The following SESN1 variants were observed in gnomAD, a reference collection of about 807,000 sequenced individuals.
SESN1 encodes sestrin-1.
In SESN1, 30 loss-of-function variants were observed where a neutral mutation model predicts 59.3. The observed-to-expected ratio is 0.51, with a 90% confidence interval of 0.38 to 0.69. The LOEUF (loss-of-function observed/expected upper bound fraction) is 0.69, where lower values mean the gene tolerates loss of function less well. Ranked by LOEUF, SESN1 falls within the 30% of genes least tolerant of loss-of-function variation. SESN1 has a pLI of 0.00. For synonymous variants in SESN1, 197 were observed against 219.9 expected (o/e 0.90, Z 0.92); for missense variants, 566 against 673.0 (o/e 0.84, Z 1.76).
intron 1 of SESN1, among the ~76,000 whole-genome samples, chr6:109,091,984 G>C (rs565988074): frequency 2.0e-5 from 3 of 152,298 alleles, no homozygotes; most frequent in East Asian, 1.9e-4. Context: ...CTTCCTATGG[G>C]AGACAGACAC....
chr6:109,034,637 G>A (rs1268911796), intron 1 of SESN1, among the ~76,000 whole-genome samples: 2 of 152,222 alleles, frequency 1.3e-5, no homozygotes, highest in East Asian at 1.9e-4. Context: ...AGCTGGGTGT[G>A]ACCAAGTTAC....
chr6:109,004,928 T>C (rs1326461967), intron 1 of SESN1, among the ~76,000 whole-genome samples: 3 of 152,144 alleles, frequency 2.0e-5, no homozygotes, highest in African/African-American at 7.2e-5. Context: ...CATTAATTGT[T>C]TATATATTGC....
chr6:109,063,632 C>A (rs1474766349), intron 1 of SESN1, among the ~76,000 whole-genome samples: 1 of 152,108 alleles, frequency 6.6e-6, no homozygotes, highest in Non-Finnish European at 1.5e-5. Flanking sequence ...GCTGTTTCCC[C>A]TTTGCATTTT....
chr6:109,012,248 T>C (rs1241768037), intron 1 of SESN1, among the ~76,000 whole-genome samples: 1 of 151,464 alleles, frequency 6.6e-6, no homozygotes. Flanking sequence ...ATATTTCTTT[T>C]TTTTTTTTTT....
At chr6:109,085,215 A>G (rs2114479114) in intron 1 of SESN1, among the ~76,000 whole-genome samples, 1 of 152,110 alleles carries the variant, frequency 6.6e-6, no homozygotes, top group South Asian at 2.1e-4. Context: ...TAGTGTGTCA[A>G]TGCCCCTAGA....
At chr6:108,993,196 T>C (rs1779426497) in intron 6 of SESN1, among the ~76,000 whole-genome samples, 1 of 152,204 alleles carries the variant, frequency 6.6e-6, no homozygotes, top group Non-Finnish European at 1.5e-5. Flanking sequence ...GTTCGACTTA[T>C]TCAAAGTATG....
At chr6:109,070,624 C>CT (rs36083550) in intron 1 of SESN1, among the ~76,000 whole-genome samples, 1 of 152,190 alleles carries the variant, frequency 6.6e-6, no homozygotes, top group Admixed American at 6.5e-5. Flanking sequence ...CCAATGGCTA[C>CT]TTTTTCCAAA....
intron 1 of SESN1, among the ~76,000 whole-genome samples, chr6:109,032,118 A>G (rs1780188773): frequency 6.6e-6 from 1 of 152,144 alleles, no homozygotes; most frequent in African/African-American, 2.4e-5. Flanking sequence ...AAAAATACAA[A>G]AAAATTAGCC....
At position 108,986,186 on chromosome 6, in the gene SESN1, T is replaced by C. The variant is rs745559007; in HGVS notation, c.*1358A>G. On this transcript the variant is annotated 3_prime_UTR_variant, in exon 10 of 10. Transcript: ENST00000436639. ...AATGAATCCTTCTTTTTAGTAATTC[T>C]TAAAATTCTATTGGAACTCTAAAAC... Among the ~76,000 whole-genome samples the C allele has an allele frequency of 3.9e-5, 6 of 152,238 alleles. No homozygotes were observed. Among genetic ancestry groups the C allele is most frequent in the Admixed American group, 2.0e-4 (3 of 15,286 alleles).
intron 1 of SESN1, 117 bp from the exon 2 acceptor site, chr6:109,002,460 T>G (rs1000540054): frequency 1.3e-6 from 1 of 753,136 alleles, no homozygotes; most frequent in South Asian, 1.5e-5. Flanking sequence ...TTTGATGGTT[T>G]GTTTTCATGG....
At chr6:109,001,650 G>A (rs944137712) in intron 2 of SESN1, among the ~76,000 whole-genome samples, 162 bp from the exon 3 acceptor site, 1 of 152,106 alleles carries the variant, frequency 6.6e-6, no homozygotes, top group Non-Finnish European at 1.5e-5. Context: ...AGATACAGAA[G>A]AATAAACAGT....
At chr6:108,988,303 G>A (rs1779257885) in intron 9 of SESN1, 1 of 365,062 alleles carries the variant, frequency 2.7e-6, no homozygotes, top group African/African-American at 2.1e-5. Flanking sequence ...TCTATGTGCT[G>A]ACAGCCATGC....
At chr6:108,995,044 T>C (rs1219196238) in intron 5 of SESN1, among the ~76,000 whole-genome samples, 1 of 152,192 alleles carries the variant, frequency 6.6e-6, no homozygotes, top group African/African-American at 2.4e-5. Flanking sequence ...AATATTCCTA[T>C]AATTTTAATG....
intron 1 of SESN1, among the ~76,000 whole-genome samples, chr6:109,065,725 G>C (rs1204028025): frequency 6.6e-6 from 1 of 151,856 alleles, no homozygotes; most frequent in African/African-American, 2.4e-5. Flanking sequence ...ATATGTGATT[G>C]TAATATTCTT....
At chr6:109,067,197 C>T (rs1414411336) in intron 1 of SESN1, among the ~76,000 whole-genome samples, 3 of 152,174 alleles carry the variant, frequency 2.0e-5, no homozygotes, top group Non-Finnish European at 4.4e-5. Context: ...CCTCCTCACT[C>T]ACAACTTCCC....
rs1442013275 is a variant in SESN1 at position 109,001,176 on chromosome 6, CATATT to C, written c.546+107_546+111del. The C allele has an allele frequency of 2.6e-5, 23 of 882,220 alleles. No individual in the cohort carries two copies. In the African/African-American group the frequency reaches 3.6e-4, roughly 14 times the overall value. The allele number at this position is 882,220 out of a possible 1,614,324, so 54.6% of individuals were successfully genotyped here. A position where few individuals can be genotyped will look rare whatever the true frequency, so the allele number is the denominator to read the frequency against. On this transcript the variant is annotated intron_variant, in intron 3 of 9. Coordinates refer to ENST00000436639, the MANE Select transcript of SESN1 (RefSeq NM_014454.3). ...AAAACAGAGACTGTGCAACAGGAAT[CATATT>C]ATATATCATAATCTAAGTATTTATC...
In SESN1 at chr6:109,039,481, T is replaced by C. The variant is rs540393389; in HGVS notation, c.280-37138A>G. Among the ~76,000 whole-genome samples, 178 of 152,314 alleles carry C rather than the reference T, an allele frequency of 1.2e-3. 1 individual carries two copies. Among genetic ancestry groups the C allele is most frequent in the Non-Finnish European group, 2.4e-4 (16 of 68,024 alleles). On this transcript the variant is annotated intron_variant, in intron 1 of 9. Coordinates refer to ENST00000436639, the MANE Select transcript of SESN1 (RefSeq NM_014454.3). The stretch of plus-strand genomic sequence containing the variant: ...AAGATGAGGTCCAATTTAAGACAAC[T>C]TGGAGGCAAGAACATCAAATCTGCA...
intron 1 of SESN1, among the ~76,000 whole-genome samples, chr6:109,027,084 C>T (rs963298736): frequency 6.6e-6 from 1 of 152,082 alleles, no homozygotes; most frequent in African/African-American, 2.4e-5. Flanking sequence ...GCACGAGAAT[C>T]GCTTGAATCT....
chr6:109,089,025 G>A (rs1781264743), intron 1 of SESN1, among the ~76,000 whole-genome samples: 1 of 151,894 alleles, frequency 6.6e-6, no homozygotes, highest in Non-Finnish European at 1.5e-5. Flanking sequence ...GAGAACTGGG[G>A]TATAAACAAA....
Sources: gnomAD v4.1 joint callset for allele counts (sites outside exome capture counted in the v4.1 genomes callset) on GRCh38, gnomAD v4.1.1 for gene constraint, MANE v1.5 for transcripts, NCBI Gene and HGNC (gene_info 2026-07-23, HGNC 2026-07-21) for gene names.